Variants in SGMS1 observed in about 807,000 individuals in gnomAD.
SGMS1 encodes phosphatidylcholine:ceramide cholinephosphotransferase 1.
In SGMS1, 13 loss-of-function variants were observed where a neutral mutation model predicts 46.2. That is an observed-to-expected ratio of 0.28 (90% CI 0.18 to 0.45). The LOEUF is 0.45. Ranked by LOEUF, SGMS1 falls within the 20% of genes least tolerant of loss-of-function variation. The probability of loss-of-function intolerance (pLI) is 1.00; values close to 1 mark genes in which losing one functional copy is unlikely to be tolerated. For missense variants in SGMS1, 324 were observed against 519.9 expected, an observed-to-expected ratio of 0.62 and a Z score of 3.66; for synonymous variants, 203 against 187.8, an observed-to-expected ratio of 1.08 and a Z score of -0.66.
intron 6 of SGMS1, among the ~76,000 whole-genome samples, chr10:50,404,592 A>ACC (rs1848987495): frequency 6.6e-6 from 1 of 152,116 alleles, no homozygotes; most frequent in East Asian, 1.9e-4. Context: ...GAAGAGCGAG[A>ACC]CCCTGTCTCG....
At chr10:50,547,933 G>A (rs1838115549) in intron 2 of SGMS1, among the ~76,000 whole-genome samples, 1 of 152,060 alleles carries the variant, frequency 6.6e-6, no homozygotes, top group Admixed American at 6.6e-5. Context: ...CAGAACTGAA[G>A]ACAAAAACCA....
intron 8 of SGMS1, among the ~76,000 whole-genome samples, chr10:50,319,646 G>T (rs1847407712): frequency 6.6e-6 from 1 of 152,042 alleles, no homozygotes; most frequent in Non-Finnish European, 1.5e-5. Context: ...TGCTTGATTT[G>T]GTTTTATCTG....
At chr10:50,387,912 A>G (rs1019110298) in intron 6 of SGMS1, among the ~76,000 whole-genome samples, 3 of 152,214 alleles carry the variant, frequency 2.0e-5, no homozygotes, top group Non-Finnish European at 4.4e-5. Context: ...ATTTGAATAC[A>G]GTTTGAACAA....
intron 6 of SGMS1, among the ~76,000 whole-genome samples, chr10:50,371,899 G>A (rs569563537): frequency 4.6e-5 from 7 of 152,282 alleles, no homozygotes; most frequent in Non-Finnish European, 1.0e-4. Flanking sequence ...TGTGATAATG[G>A]CATTAATCCA....
chr10:50,369,397 C>G (rs529175727), intron 6 of SGMS1, among the ~76,000 whole-genome samples: 2 of 152,150 alleles, frequency 1.3e-5, no homozygotes, highest in Admixed American at 6.5e-5. Flanking sequence ...ACTTGGTAGG[C>G]TGAGGCAGGA....
chr10:50,483,546 T>C lies in SGMS1; in HGVS notation c.-497-16614A>G, dbSNP rs567026814. Among the ~76,000 whole-genome samples, 13 of 152,216 alleles carry C rather than the reference T, an allele frequency of 8.5e-5. No homozygotes were observed. The East Asian group carries it at 2.5e-3, about 29-fold the overall frequency. The stretch of plus-strand genomic sequence containing the variant: ...TCAGCTCTGAATCAAGTGGACCTGA[T>C]AGATATCTATAGAACTCTCCTCCCC... On this transcript the variant is annotated intron_variant, in intron 3 of 10. Coordinates refer to ENST00000361781, the MANE Select transcript of SGMS1 (RefSeq NM_147156.4).
chr10:50,602,570 C>T (rs1838658790), intron 1 of SGMS1, among the ~76,000 whole-genome samples: 1 of 152,180 alleles, frequency 6.6e-6, no homozygotes, highest in African/African-American at 2.4e-5. Flanking sequence ...ACTTATCAGG[C>T]ACTCTCCTAG....
chr10:50,410,523 G>C (rs1849081290), intron 6 of SGMS1, among the ~76,000 whole-genome samples: 1 of 152,218 alleles, frequency 6.6e-6, no homozygotes, highest in Non-Finnish European at 1.5e-5. Context: ...TCTGATGGCA[G>C]ATCTCTGAAA....
chr10:50,533,086 T>TAATGTAG (rs1324965002), intron 2 of SGMS1, among the ~76,000 whole-genome samples: 5 of 152,214 alleles, frequency 3.3e-5, no homozygotes, highest in Non-Finnish European at 7.3e-5. Context: ...AATGCTGAGC[T>TAATGTAG]AATGTAGAGT....
chr10:50,437,908 A>G (rs1168209665), intron 5 of SGMS1, among the ~76,000 whole-genome samples: 1 of 152,204 alleles, frequency 6.6e-6, no homozygotes, highest in Non-Finnish European at 1.5e-5. Flanking sequence ...GCCCACTGAC[A>G]AGGAAGGGCC....
chr10:50,524,917 G>A (rs552194925), intron 2 of SGMS1, among the ~76,000 whole-genome samples: 98 of 152,316 alleles, frequency 6.4e-4, no homozygotes, highest in African/African-American at 2.1e-3. Flanking sequence ...GGTGCAAAAA[G>A]AGACCTATAA....
intron 9 of SGMS1, among the ~76,000 whole-genome samples, chr10:50,308,921 C>G (rs995388810): frequency 1.3e-5 from 2 of 152,168 alleles, no homozygotes; most frequent in African/African-American, 2.4e-5. Flanking sequence ...TCAATGGGTC[C>G]AAGAACCAGT....
intron 2 of SGMS1, among the ~76,000 whole-genome samples, chr10:50,550,296 A>T (rs1838137550): frequency 6.6e-6 from 1 of 152,226 alleles, no homozygotes; most frequent in Non-Finnish European, 1.5e-5. Context: ...GGTAGCAAAT[A>T]ATAGGCCACT....
intron 5 of SGMS1, among the ~76,000 whole-genome samples, chr10:50,441,735 T>C (rs1337525271): frequency 6.6e-6 from 1 of 152,258 alleles, no homozygotes; most frequent in African/African-American, 2.4e-5. Flanking sequence ...GATAACCTTT[T>C]CTATTGGAGC....
rs562842621 is a variant in SGMS1 at position 50,552,779 on chromosome 10, C to A, written c.-588-32858G>T. ...TTTACAGGTGTGATTAGGTTAATGA[C>A]CTTGAGATGGGGGGATTATCCTGGT... On this transcript the variant is annotated intron_variant, in intron 2 of 10. Transcript: ENST00000361781. Among the ~76,000 whole-genome samples the A allele has an allele frequency of 4.6e-5, 7 of 152,152 alleles. No homozygotes were observed. The South Asian group carries it at 1.4e-3, about 32-fold the overall frequency.
chr10:50,327,762 T>C (rs928727151), intron 7 of SGMS1, among the ~76,000 whole-genome samples: 1 of 152,240 alleles, frequency 6.6e-6, no homozygotes, highest in Non-Finnish European at 1.5e-5. Flanking sequence ...TGCCATTTAA[T>C]GAGTCAAAGA....
At position 50,358,123 on chromosome 10, in the gene SGMS1, T is replaced by A. The variant is rs186585268; in HGVS notation, c.-231-13778A>T. On this transcript the variant is annotated intron_variant, in intron 6 of 10. Coordinates refer to ENST00000361781, the MANE Select transcript of SGMS1 (RefSeq NM_147156.4). ...AGTGAGACAACATCTCTATTTTTTT[T>A]AAATGTAACAAAAAATAAATACATT... Among the ~76,000 whole-genome samples the A allele has an allele frequency of 6.9e-3, 1,049 of 152,230 alleles. 8 individuals carry two copies. Among genetic ancestry groups the A allele is most frequent in the African/African-American group, 0.023 (962 of 41,534 alleles).
intron 1 of SGMS1, among the ~76,000 whole-genome samples, chr10:50,607,164 G>T (rs61858142): frequency 3.4e-5 from 5 of 146,174 alleles, no homozygotes; most frequent in African/African-American, 1.0e-4. Flanking sequence ...TTTTTTTTTG[G>T]TAGAGATATG....
intron 2 of SGMS1, among the ~76,000 whole-genome samples, chr10:50,532,491 GT>G (rs1017319057): frequency 7.9e-5 from 12 of 152,120 alleles, no homozygotes; most frequent in Non-Finnish European, 1.0e-4. Context: ...GTTTGGTGGT[GT>G]TTTTGTCATC....
Sources: allele counts gnomAD v4.1 joint callset (sites outside exome capture counted in the v4.1 genomes callset), GRCh38; gene constraint gnomAD v4.1.1; transcripts MANE v1.5; gene names NCBI Gene and HGNC (gene_info 2026-07-23, HGNC 2026-07-21).